Variants in COG6 observed in about 807,000 individuals in gnomAD.
The protein encoded by COG6 is component of oligomeric golgi complex 6.
COG6 carries 74 observed loss-of-function variants against 88.8 expected under a neutral mutation model. That is an observed-to-expected ratio of 0.83 (90% confidence interval 0.69 to 1.01). The LOEUF is 1.01. Ranked by LOEUF, COG6 falls within the 50% of genes least tolerant of loss-of-function variation. The pLI is 0.00. For missense variants in COG6, 800 were observed against 797.9 expected, an observed-to-expected ratio of 1.00 and a Z score of -0.03; for synonymous variants, 286 against 278.7, an observed-to-expected ratio of 1.03 and a Z score of -0.26.
chr13:39,672,114 T>A lies in COG6; in HGVS notation c.429-5354T>A, dbSNP rs1345074549. Among the ~76,000 whole-genome samples, 8 of 151,960 alleles carry A rather than the reference T, an allele frequency of 5.3e-5. 1 individual carries two copies. Among genetic ancestry groups the A allele is most frequent in the Non-Finnish European group, 5.9e-5 (4 of 67,862 alleles). ...ATTTGAGACTCTTACTTTATAAGAG[T>A]AATAGCAAGTGTGCATATATACTTA... On this transcript the variant is annotated intron_variant, in intron 4 of 18. Transcript: ENST00000455146.
intron 18 of COG6, among the ~76,000 whole-genome samples, chr13:39,738,396 C>G (rs1335747799): frequency 6.6e-6 from 1 of 151,972 alleles, no homozygotes; most frequent in East Asian, 1.9e-4. Context: ...TTCCCACAAC[C>G]ATTGAAACAA....
At chr13:39,661,274 C>A (rs1004404413) in intron 3 of COG6, among the ~76,000 whole-genome samples, 1 of 152,062 alleles carries the variant, frequency 6.6e-6, no homozygotes, top group Non-Finnish European at 1.5e-5. Flanking sequence ...TTAAAAAATT[C>A]TGGGAAAATA....
At chr13:39,704,731 GA>G (rs1877787318) in intron 13 of COG6, among the ~76,000 whole-genome samples, 1 of 152,154 alleles carries the variant, frequency 6.6e-6, no homozygotes, top group Admixed American at 6.6e-5. Flanking sequence ...GGATGAAAAT[GA>G]GGAAAGAAAG....
chr13:39,741,934 A>G (rs1329042127), intron 18 of COG6, among the ~76,000 whole-genome samples: 5 of 152,194 alleles, frequency 3.3e-5, no homozygotes, highest in Admixed American at 3.3e-4. Context: ...GCCAGAAGAC[A>G]GTGGGGTCAA....
chr13:39,706,215 T>TTATATATATATATATATACTCCTTTATA (rs141224881), intron 13 of COG6, among the ~76,000 whole-genome samples: 1 of 126,730 alleles, frequency 7.9e-6, no homozygotes, highest in African/African-American at 2.9e-5. Flanking sequence ...ATATACTCCT[T>TTATATATATATATATATACTCCTTTATA]TATATATATA....
Position 39,751,321 on chromosome 13 carries a change from T to G in COG6, c.*228T>G. ...ATCTACTCTAAATGAGATGATCTAT[T>G]TTTTTGCTAGCCATCTCTCCAGCTC... On this transcript the variant is annotated 3_prime_UTR_variant, in exon 19 of 19. Transcript: ENST00000455146. The G allele has an allele frequency of 6.8e-7, 1 of 1,477,410 alleles. No individual in the cohort carries two copies. The highest frequency in any genetic ancestry group is 9.0e-7 in the Non-Finnish European group (1 of 1,112,670). The allele number at this position is 1,477,410 out of a possible 1,614,324, so 91.5% of individuals were successfully genotyped here.
At chr13:39,710,187 T>C (rs1878160106) in intron 13 of COG6, among the ~76,000 whole-genome samples, 1 of 152,174 alleles carries the variant, frequency 6.6e-6, no homozygotes, top group South Asian at 2.1e-4. Context: ...CCTTTCATAG[T>C]GTTCAGGCCT....
intron 8 of COG6, among the ~76,000 whole-genome samples, chr13:39,685,515 A>AT (rs1228718608): frequency 6.6e-6 from 1 of 152,190 alleles, no homozygotes; most frequent in Non-Finnish European, 1.5e-5. Flanking sequence ...GGATTTTAAG[A>AT]TTCACTGGAT....
At chr13:39,791,006 T>TTCC (rs1881922897) in exon 19 of COG6, 1 of 152,120 alleles carries the variant, frequency 6.6e-6, no homozygotes, top group Admixed American at 6.6e-5. Context: ...AATGTTTTTC[T>TTCC]ATTGTCTAAT....
intron 18 of COG6, among the ~76,000 whole-genome samples, chr13:39,748,427 C>T (rs1880453339): frequency 6.6e-6 from 1 of 151,872 alleles, no homozygotes; most frequent in African/African-American, 2.4e-5. Context: ...CCAGCCTTGC[C>T]AACATGATGA....
At chr13:39,679,816 A>G in intron 6 of COG6, 159 bp from the exon 7 acceptor site, 1 of 679,134 alleles carries the variant, frequency 1.5e-6, no homozygotes, top group South Asian at 1.8e-5. Flanking sequence ...GATGGTTAAA[A>G]TGTGACATTT....
chr13:39,788,590 A>C, exon 19 of COG6: 1 of 549,308 alleles, frequency 1.8e-6, no homozygotes, highest in Non-Finnish European at 3.3e-6. Context: ...ACGCACACAC[A>C]CAGCATGTAG....
intron 11 of COG6, among the ~76,000 whole-genome samples, chr13:39,693,486 A>G (rs958767921): frequency 5.3e-5 from 8 of 152,016 alleles, no homozygotes; most frequent in Non-Finnish European, 1.5e-5. Context: ...TAATAATTAT[A>G]TTAAAATTAA....
chr13:39,768,219 C>T (rs1881221965), intron 18 of COG6, among the ~76,000 whole-genome samples: 1 of 152,242 alleles, frequency 6.6e-6, no homozygotes, highest in South Asian at 2.1e-4. Context: ...ATTATGCACT[C>T]TTTTAAATTG....
intron 15 of COG6, among the ~76,000 whole-genome samples, chr13:39,723,053 T>A (rs542275117): frequency 1.3e-5 from 2 of 152,216 alleles, no homozygotes; most frequent in East Asian, 3.9e-4. Flanking sequence ...TGTTTACTAG[T>A]GTTTTTTGTT....
intron 18 of COG6, among the ~76,000 whole-genome samples, chr13:39,734,827 A>G (rs1279230445): frequency 1.3e-5 from 2 of 151,980 alleles, no homozygotes; most frequent in East Asian, 3.9e-4. Context: ...CTCTTGCTGA[A>G]TTTACCCCTT....
chr13:39,738,183 C>G (rs541798552), intron 18 of COG6, among the ~76,000 whole-genome samples: 1 of 152,034 alleles, frequency 6.6e-6, no homozygotes, highest in African/African-American at 2.4e-5. Flanking sequence ...ATAGATTTGG[C>G]GTTCCTGCTT....
At chr13:39,718,080 T>G (rs1339738380) in intron 13 of COG6, among the ~76,000 whole-genome samples, 3 of 152,186 alleles carry the variant, frequency 2.0e-5, no homozygotes, top group Non-Finnish European at 4.4e-5. Context: ...CTTTGTCTAG[T>G]AAATCTAACA....
Position 39,751,309 on chromosome 13 carries a change from G to T in COG6, c.*216G>T. 1 of 1,492,510 alleles carries T rather than the reference G, an allele frequency of 6.7e-7. No homozygotes were observed. The allele number at this position is 1,492,510 out of a possible 1,614,324, so 92.5% of individuals were successfully genotyped here. ...GTATTGCTGTGTATCTACTCTAAAT[G>T]AGATGATCTATTTTTTTGCTAGCCA... On this transcript the variant is annotated 3_prime_UTR_variant, in exon 19 of 19. Transcript: ENST00000455146.
Sources: gnomAD v4.1 joint callset for allele counts (sites outside exome capture counted in the v4.1 genomes callset) on GRCh38, gnomAD v4.1.1 for gene constraint, MANE v1.5 for transcripts, NCBI Gene and HGNC (gene_info 2026-07-23, HGNC 2026-07-21) for gene names.